CDC42BPA: variants seen among roughly 807,000 people sequenced by gnomAD.
CDC42BPA encodes the protein serine/threonine-protein kinase MRCK alpha.
Under a neutral mutation model 223.5 loss-of-function variants are expected in CDC42BPA, and 80 were observed. That is an observed-to-expected ratio of 0.36 (90% CI 0.30 to 0.43). The LOEUF is 0.43. CDC42BPA is among the 20% of genes least tolerant of loss of function. The probability of loss-of-function intolerance (pLI) is 1.00; values close to 1 mark genes in which losing one functional copy is unlikely to be tolerated. For missense variants in CDC42BPA, 1,743 were observed against 2,099.9 expected, an observed-to-expected ratio of 0.83 and a Z score of 3.32; for synonymous variants, 694 against 718.6, an observed-to-expected ratio of 0.97 and a Z score of 0.55.
chr1:227,306,973 T>C (rs1287340554), intron 1 of CDC42BPA, among the ~76,000 whole-genome samples: 1 of 152,250 alleles, frequency 6.6e-6, no homozygotes, highest in Admixed American at 6.5e-5. Context: ...ATAACTATAC[T>C]GCTTTTACAA....
chr1:227,301,549 A>G (rs1464293148), intron 1 of CDC42BPA, among the ~76,000 whole-genome samples: 1 of 152,066 alleles, frequency 6.6e-6, no homozygotes, highest in East Asian at 1.9e-4. Flanking sequence ...TAGTACAGAC[A>G]GGGTTTCACT....
chr1:227,237,335 A>T (rs938304653), intron 2 of CDC42BPA, among the ~76,000 whole-genome samples: 1 of 152,176 alleles, frequency 6.6e-6, no homozygotes, highest in African/African-American at 2.4e-5. Flanking sequence ...TCCCACTTAT[A>T]AGTGTCACTC....
At chr1:227,105,447 G>A (rs1483566435) in intron 14 of CDC42BPA, among the ~76,000 whole-genome samples, 4 of 140,056 alleles carry the variant, frequency 2.9e-5, no homozygotes, top group African/African-American at 8.1e-5. Flanking sequence ...CTGCAGCCTC[G>A]ACCTCAAGCA....
chr1:227,102,282 C>T (rs764950088), intron 14 of CDC42BPA, among the ~76,000 whole-genome samples: 19 of 152,174 alleles, frequency 1.2e-4, no homozygotes, highest in Admixed American at 5.2e-4. Flanking sequence ...GGCGTGTCCA[C>T]TGCAATATTA....
At chr1:227,060,020 G>GTTTTTTTTTTTTTTTTTTTTTTT (rs143944932) in intron 21 of CDC42BPA, among the ~76,000 whole-genome samples, 1 of 94,186 alleles carries the variant, frequency 1.1e-5, no homozygotes, top group African/African-American at 4.9e-5. Context: ...ATCTCAAAAA[G>GTTTTTTTTTTTTTTTTTTTTTTT]TTTTTTTTTG....
chr1:227,064,015 A>G (rs1676474456), intron 21 of CDC42BPA, among the ~76,000 whole-genome samples: 1 of 152,238 alleles, frequency 6.6e-6, no homozygotes, highest in African/African-American at 2.4e-5. Context: ...TCCAGAACTC[A>G]GCCTGCCAAT....
At chr1:227,309,144 T>C (rs527293138) in intron 1 of CDC42BPA, among the ~76,000 whole-genome samples, 1 of 150,542 alleles carries the variant, frequency 6.6e-6, no homozygotes, top group Admixed American at 6.7e-5. Context: ...GGTCAGAGAA[T>C]TGCTTGAGGC....
chr1:227,118,780 T>C (rs1343802210), intron 12 of CDC42BPA, among the ~76,000 whole-genome samples: 1 of 152,060 alleles, frequency 6.6e-6, no homozygotes, highest in African/African-American at 2.4e-5. Flanking sequence ...TATAATATTA[T>C]TAAAGCAAAT....
chr1:227,180,538 T>C (rs1667759687), intron 5 of CDC42BPA: 1 of 152,158 alleles, frequency 6.6e-6, no homozygotes, highest in African/African-American at 2.4e-5. Context: ...GCAACATTGT[T>C]TAAATGGTGA....
chr1:227,269,547 A>G (rs1295771164), intron 1 of CDC42BPA, among the ~76,000 whole-genome samples: 1 of 152,188 alleles, frequency 6.6e-6, no homozygotes, highest in Admixed American at 6.5e-5. Context: ...AGTCTCCTGT[A>G]AGGTAAAAGA....
intron 5 of CDC42BPA, among the ~76,000 whole-genome samples, chr1:227,192,845 G>A (rs1030440292): frequency 2.0e-5 from 3 of 151,968 alleles, no homozygotes; most frequent in Non-Finnish European, 2.9e-5. Flanking sequence ...ATCCTTGAAA[G>A]TATTTTCTTG....
At chr1:227,036,065 A>G (rs1334553931) in intron 24 of CDC42BPA, among the ~76,000 whole-genome samples, 5 of 152,212 alleles carry the variant, frequency 3.3e-5, no homozygotes, top group African/African-American at 2.4e-5. Flanking sequence ...GAGTTTTTCA[A>G]TGACTAAAAA....
chr1:227,183,230 T>C (rs2150057826), intron 5 of CDC42BPA: 1 of 152,314 alleles, frequency 6.6e-6, no homozygotes, highest in African/African-American at 2.4e-5. Flanking sequence ...TTCTGTGCAA[T>C]TTTATCTTGT....
At chr1:227,093,548 T>C (rs983759937) in intron 15 of CDC42BPA, among the ~76,000 whole-genome samples, 1 of 152,184 alleles carries the variant, frequency 6.6e-6, no homozygotes, top group Non-Finnish European at 1.5e-5. Context: ...CCAATAGCTA[T>C]AAATTAACCC....
At chr1:227,074,163 A>C (rs1233809408) in intron 18 of CDC42BPA, 96 bp downstream of exon 18, 1 of 1,326,022 alleles carries the variant, frequency 7.5e-7, no homozygotes, top group Non-Finnish European at 1.1e-6. Context: ...CTCAAAGTCT[A>C]AACAAACTGA....
rs772679530 is a variant in CDC42BPA, at chr1:227,034,750, C to G, written c.3381G>C (p.Leu1127=). The G allele has an allele frequency of 6.2e-7, 1 of 1,613,638 alleles. No homozygotes were observed. The highest frequency in any genetic ancestry group is 1.1e-5 in the South Asian group (1 of 90,988). ...AGVKKGWQRA[L]AIVCDFKLFL... is the part of the protein sequence containing the mutation. ...AGAGTTTGAAGTCACACACTATAGCCAGTGCTCTCTGCCACCCTTTCTTCA... is the reference window on the plus strand; with the variant it reads ...AGAGTTTGAAGTCACACACTATAGCGAGTGCTCTCTGCCACCCTTTCTTCA... Residue 1127 remains leucine (L), a synonymous_variant, in exon 26 of 37, where the codon CTG becomes CTC. Transcript: ENST00000366766.
At chr1:227,244,933 G>A (rs989349335) in intron 2 of CDC42BPA, among the ~76,000 whole-genome samples, 4 of 152,186 alleles carry the variant, frequency 2.6e-5, no homozygotes, top group Non-Finnish European at 4.4e-5. Context: ...AGCCCTGCTG[G>A]GCTCAGCCAG....
chr1:227,130,287 C>CGT (rs757155482), intron 10 of CDC42BPA, among the ~76,000 whole-genome samples: 22 of 151,412 alleles, frequency 1.5e-4, no homozygotes, highest in South Asian at 4.2e-4. Flanking sequence ...TGCATATGTA[C>CGT]GTGTGTGTGT....
At chr1:227,261,759 G>A (rs778025006) in intron 1 of CDC42BPA, among the ~76,000 whole-genome samples, 5 of 152,056 alleles carry the variant, frequency 3.3e-5, no homozygotes, top group Non-Finnish European at 7.4e-5. Flanking sequence ...AGAGGTAGAG[G>A]ACTGGAATGA....
Sources: allele counts gnomAD v4.1 joint callset (sites outside exome capture counted in the v4.1 genomes callset), GRCh38; gene constraint gnomAD v4.1.1; transcripts MANE v1.5; gene names NCBI Gene and HGNC (gene_info 2026-07-23, HGNC 2026-07-21).